Variants in RALGAPA1 observed in about 807,000 individuals in gnomAD.
RALGAPA1 encodes the protein ral GTPase-activating protein subunit alpha-1.
RALGAPA1 carries 52 observed loss-of-function variants against 269.6 expected under a neutral mutation model. That is an observed-to-expected ratio of 0.19 (90% CI 0.15 to 0.24). The LOEUF (loss-of-function observed/expected upper bound fraction) is 0.24, where lower values mean the gene tolerates loss of function less well. Ranked by LOEUF, RALGAPA1 falls within the 10% of genes least tolerant of loss-of-function variation. The probability of loss-of-function intolerance (pLI) is 1.00; values close to 1 mark genes in which losing one functional copy is unlikely to be tolerated. For synonymous variants in RALGAPA1, 817 were observed against 1,008.3 expected (o/e 0.81, Z 3.60); for missense variants, 1,917 against 3,013.9 (o/e 0.64, Z 8.52).
chr14:35,619,988 T>C (rs1044747088), intron 35 of RALGAPA1, among the ~76,000 whole-genome samples: 1 of 151,984 alleles, frequency 6.6e-6, no homozygotes, highest in Non-Finnish European at 1.5e-5. Context: ...TTCCAATCAA[T>C]AGAAAAAGAG....
chr14:35,560,967 C>T (rs1405262795), intron 39 of RALGAPA1, among the ~76,000 whole-genome samples: 1 of 152,086 alleles, frequency 6.6e-6, no homozygotes. Context: ...TGGTGGCTCA[C>T]ACCTGTAATC....
At chr14:35,585,320 G>C (rs1286558785) in intron 37 of RALGAPA1, among the ~76,000 whole-genome samples, 1 of 152,106 alleles carries the variant, frequency 6.6e-6, no homozygotes, top group African/African-American at 2.4e-5. Flanking sequence ...TTAGAAATCA[G>C]TAACAGAAAG....
At chr14:35,583,731 A>C (rs1433221972) in intron 37 of RALGAPA1, among the ~76,000 whole-genome samples, 2 of 152,210 alleles carry the variant, frequency 1.3e-5, no homozygotes, top group Non-Finnish European at 2.9e-5. Context: ...TTACCTATAG[A>C]GTAGCAAAGA....
chr14:35,667,994 T>G (rs1479603693), intron 26 of RALGAPA1, among the ~76,000 whole-genome samples: 1 of 152,152 alleles, frequency 6.6e-6, no homozygotes, highest in Admixed American at 6.5e-5. Flanking sequence ...AATCCTGTCA[T>G]CTGCAGCAAC....
chr14:35,751,096 G>A (rs2072639869), intron 8 of RALGAPA1, among the ~76,000 whole-genome samples: 1 of 152,128 alleles, frequency 6.6e-6, no homozygotes, highest in African/African-American at 2.4e-5. Context: ...CATCTTTCTG[G>A]GAAAGAGACA....
At chr14:35,625,622 A>C (rs2060947304) in intron 34 of RALGAPA1, among the ~76,000 whole-genome samples, 190 bp from the exon 35 acceptor site, 1 of 152,218 alleles carries the variant, frequency 6.6e-6, no homozygotes, top group Admixed American at 6.5e-5. Flanking sequence ...AGGTGTTCAT[A>C]CATTTCTGCT....
chr14:35,572,923 G>T, intron 37 of RALGAPA1: 2 of 333,154 alleles, frequency 6.0e-6, no homozygotes, highest in South Asian at 2.1e-4. Context: ...ATAATCAATG[G>T]GTAACAGAGA....
intron 16 of RALGAPA1, among the ~76,000 whole-genome samples, chr14:35,720,031 C>A (rs1595306495): frequency 6.6e-6 from 1 of 151,930 alleles, no homozygotes; most frequent in African/African-American, 2.4e-5. Flanking sequence ...GGATTACAGG[C>A]GTAAGCCACC....
At chr14:35,798,764 A>T (rs966370338) in intron 1 of RALGAPA1, among the ~76,000 whole-genome samples, 4 of 152,116 alleles carry the variant, frequency 2.6e-5, no homozygotes, top group Admixed American at 2.0e-4. Context: ...GCCCAGGCAC[A>T]CGATCACTTG....
At chr14:35,608,539 A>G (rs574341047) in intron 35 of RALGAPA1, among the ~76,000 whole-genome samples, 3 of 152,344 alleles carry the variant, frequency 2.0e-5, no homozygotes, top group Admixed American at 2.0e-4. Context: ...TAAAATAGAA[A>G]CCAACAGAGC....
At chr14:35,707,219 T>G (rs1567051716) in intron 16 of RALGAPA1, 1 of 152,210 alleles carries the variant, frequency 6.6e-6, no homozygotes, top group African/African-American at 2.4e-5. Flanking sequence ...CTATAATTGC[T>G]TATTAGTTTC....
chr14:35,806,330 C>T (rs999902876), intron 1 of RALGAPA1, among the ~76,000 whole-genome samples: 1 of 151,842 alleles, frequency 6.6e-6, no homozygotes, highest in Non-Finnish European at 1.5e-5. Flanking sequence ...AATATCATTA[C>T]CATTAGTTGT....
At chr14:35,685,823 GA>G (rs1248630181) in intron 19 of RALGAPA1, among the ~76,000 whole-genome samples, 3 of 152,122 alleles carry the variant, frequency 2.0e-5, no homozygotes, top group Non-Finnish European at 2.9e-5. Flanking sequence ...AGGATTGCTG[GA>G]ACCCGGGAGA....
intron 31 of RALGAPA1, among the ~76,000 whole-genome samples, chr14:35,646,067 T>C (rs1443590793): frequency 1.3e-5 from 2 of 151,958 alleles, no homozygotes; most frequent in African/African-American, 2.4e-5. Context: ...CACATTGAAA[T>C]AAGATGAATA....
intron 37 of RALGAPA1, among the ~76,000 whole-genome samples, chr14:35,581,057 A>C (rs1032588166): frequency 6.6e-6 from 1 of 152,178 alleles, no homozygotes; most frequent in Non-Finnish European, 1.5e-5. Flanking sequence ...TCTAGCCTCA[A>C]CTTATTACCA....
chr14:35,789,034 G>T (rs2075982043), intron 1 of RALGAPA1, among the ~76,000 whole-genome samples: 1 of 152,078 alleles, frequency 6.6e-6, no homozygotes, highest in African/African-American at 2.4e-5. Flanking sequence ...CTGCCCTCAG[G>T]AAGGCAAGCA....
intron 16 of RALGAPA1, among the ~76,000 whole-genome samples, chr14:35,705,472 C>T (rs917695353): frequency 8.6e-5 from 13 of 152,042 alleles, no homozygotes; most frequent in African/African-American, 3.1e-4. Context: ...CTCAGCAATA[C>T]TCATTCAGTT....
intron 37 of RALGAPA1, among the ~76,000 whole-genome samples, chr14:35,579,665 C>A (rs1043361478): frequency 4.0e-5 from 6 of 151,530 alleles, no homozygotes; most frequent in Admixed American, 3.3e-4. Flanking sequence ...GCTATCTCAC[C>A]CACATAACAT....
rs1555369713 is a variant in RALGAPA1 at position 35,600,235 on chromosome 14, T to TTTTTC, written c.7054-4447_7054-4446insGAAAA. ...TTTTTTTTCTTTTTCTTTTTTTCTT[T>TTTTTC]TTTTTTTTTTTTTTGAGACAGGGTC... On this transcript the variant is annotated intron_variant, in intron 36 of 41. Coordinates refer to ENST00000680220, the MANE Select transcript of RALGAPA1 (RefSeq NM_001346249.2). Among the ~76,000 whole-genome samples the TTTTTC allele has an allele frequency of 1.0e-3, 143 of 140,870 alleles. 1 individual carries two copies. The highest frequency in any genetic ancestry group is 3.6e-3 in the African/African-American group (133 of 36,768). The allele number at this position is 140,870 out of a possible 152,430, so 92.4% of individuals were successfully genotyped here. A position where few individuals can be genotyped will look rare whatever the true frequency, so the allele number is the denominator to read the frequency against.
Sources: gnomAD v4.1 joint callset for allele counts (sites outside exome capture counted in the v4.1 genomes callset) on GRCh38, gnomAD v4.1.1 for gene constraint, MANE v1.5 for transcripts, NCBI Gene and HGNC (gene_info 2026-07-23, HGNC 2026-07-21) for gene names.